UNC13B: variants seen among roughly 807,000 people sequenced by gnomAD.
UNC13B encodes the protein protein unc-13 homolog B.
A neutral mutation model predicts 211.0 loss-of-function variants in UNC13B; 144 were observed. That is an observed-to-expected ratio of 0.68 (90% CI 0.60 to 0.78). The LOEUF (loss-of-function observed/expected upper bound fraction) is 0.78, where lower values mean the gene tolerates loss of function less well. Ranked by LOEUF, UNC13B falls within the 30% of genes least tolerant of loss-of-function variation. The probability of loss-of-function intolerance (pLI) is 0.00; values close to 1 mark genes in which losing one functional copy is unlikely to be tolerated. For missense variants in UNC13B, 1,777 were observed against 2,002.0 expected (o/e 0.89, Z 2.14); for synonymous variants, 709 against 725.8 (o/e 0.98, Z 0.37).
rs111630995 is a variant in UNC13B, at chr9:35,220,632, A to G, written c.23-7383A>G. The stretch of plus-strand genomic sequence containing the variant: ...AGGATGTCATTCTTTTTTGTGGCTG[A>G]ATAGTACTCCATTGTGTATATGTAG... On this transcript the variant is annotated intron_variant, in intron 1 of 39. Coordinates refer to ENST00000635942, the MANE Select transcript of UNC13B (RefSeq NM_001371189.2). 8.6e-3 allele frequency among the ~76,000 whole-genome samples: 1,310 copies of G among 152,328 alleles called. 14 individuals are homozygous for G. The highest frequency in any genetic ancestry group is 0.03 in the African/African-American group (1,240 of 41,572).
chr9:35,390,626 C>G lies in UNC13B; in HGVS notation c.11223-3C>G. 6.2e-7 allele frequency: 1 copy of G among 1,613,710 alleles called. No individual in the cohort carries two copies. The highest frequency in any genetic ancestry group is 1.3e-5 in the African/African-American group (1 of 75,014). ...TCTGACTGTGGTTTCTTCTGTCATC[C>G]AGGTTTCCTCAGGAGTTGAATGTGG... On this transcript the variant is annotated splice_region_variant and splice_polypyrimidine_tract_variant and intron_variant, in intron 25 of 39. Transcript: ENST00000635942.
At chr9:35,371,548 C>A (rs1834125407) in intron 13 of UNC13B, among the ~76,000 whole-genome samples, 1 of 152,134 alleles carries the variant, frequency 6.6e-6, no homozygotes, top group South Asian at 2.1e-4. Flanking sequence ...ATTCTGATGC[C>A]ATGTCTTCTT....
In UNC13B at chr9:35,304,658, G is replaced by C. The variant is rs1052051070; in HGVS notation, c.5254G>C (p.Ala1752Pro). 3 of 398,646 alleles carry C rather than the reference G, an allele frequency of 7.5e-6. No homozygotes were observed. Among genetic ancestry groups the C allele is most frequent in the African/African-American group, 6.2e-5 (3 of 48,600 alleles). The allele number at this position is 398,646 out of a possible 1,614,324, so 24.7% of individuals were successfully genotyped here. The change falls in exon 9 of 40, where the codon GCT (alanine) becomes CCT (proline). Residue 1752 changes from alanine (A) to proline (P), a missense_variant. Physicochemically the swap from Ala to Pro is conservative, Grantham distance 27. Coordinates refer to ENST00000635942, the MANE Select transcript of UNC13B (RefSeq NM_001371189.2). ...AEETSLVNKV[A>P]SVFSVLGASV... The stretch of plus-strand genomic sequence containing the variant: ...AGAGACATCATTAGTGAACAAAGTG[G>C]CTTCAGTATTTTCTGTTTTGGGTGC...
chr9:35,404,351 C>A lies in UNC13B; in HGVS notation c.*318C>A, dbSNP rs151135402. ...GTAGACACCTCTCCACTCCTCATCCCACCTCTACCCATCTCCATGCCACAC... is the reference window on the plus strand; with the variant it reads ...GTAGACACCTCTCCACTCCTCATCCAACCTCTACCCATCTCCATGCCACAC... On this transcript the variant is annotated 3_prime_UTR_variant, in exon 40 of 40. Coordinates refer to ENST00000635942, the MANE Select transcript of UNC13B (RefSeq NM_001371189.2). 5.7e-4 allele frequency: 211 copies of A among 369,226 alleles called. No individual in the cohort carries two copies. Among genetic ancestry groups the A allele is most frequent in the African/African-American group, 4.0e-3 (195 of 49,202 alleles). The allele number at this position is 369,226 out of a possible 1,614,324, so 22.9% of individuals were successfully genotyped here. A position where few individuals can be genotyped will look rare whatever the true frequency, so the allele number is the denominator to read the frequency against.
intron 11 of UNC13B, among the ~76,000 whole-genome samples, chr9:35,339,709 G>A (rs769494751): frequency 1.3e-5 from 2 of 152,362 alleles, no homozygotes; most frequent in South Asian, 2.1e-4. Flanking sequence ...TGCTAACCAC[G>A]TCTTCTACTG....
At chr9:35,188,987 C>T (rs143366395) in intron 1 of UNC13B, among the ~76,000 whole-genome samples, 1 of 152,288 alleles carries the variant, frequency 6.6e-6, no homozygotes, top group East Asian at 1.9e-4. Flanking sequence ...TTTCAATACT[C>T]AATTTATGAG....
chr9:35,257,419 AAAAATAT>A (rs1336451448), intron 6 of UNC13B, among the ~76,000 whole-genome samples: 11 of 140,280 alleles, frequency 7.8e-5, no homozygotes, highest in South Asian at 2.2e-4. Flanking sequence ...AATATTTATA[AAAAATAT>A]AAATATTAGC....
In UNC13B at chr9:35,295,835, G is replaced by C. The variant is rs376032394; in HGVS notation, c.666G>C (p.Ser222=). The part of the protein sequence containing the change: ...SVHQFPVPVR[S]PQQLLLQGSS... Reference sequence around the variant, plus strand: ...ACCAGTTCCCTGTGCCGGTGCGATCGCCACAGCAGCTGCTACTTCAAGGCA... The same window carrying C: ...ACCAGTTCCCTGTGCCGGTGCGATCCCCACAGCAGCTGCTACTTCAAGGCA... The change falls in exon 8 of 40, where the codon TCG becomes TCC. Residue 222 remains serine, a synonymous_variant. Transcript: ENST00000635942. 6.2e-7 allele frequency: 1 copy of C among 1,614,054 alleles called. No homozygotes were observed. Among genetic ancestry groups the C allele is most frequent in the Admixed American group, 1.7e-5 (1 of 60,006 alleles).
chr9:35,252,560 G>A (rs1482140141), intron 6 of UNC13B, among the ~76,000 whole-genome samples: 1 of 151,780 alleles, frequency 6.6e-6, no homozygotes, highest in African/African-American at 2.4e-5. Context: ...GCCCACCTCG[G>A]CCTCCCAAAG....
intron 7 of UNC13B, among the ~76,000 whole-genome samples, chr9:35,273,080 G>C (rs1482734538): frequency 6.6e-6 from 1 of 152,130 alleles, no homozygotes. Context: ...AATGTCCTGA[G>C]TACGAATCAT....
At chr9:35,223,695 T>C (rs1824685054) in intron 1 of UNC13B, among the ~76,000 whole-genome samples, 1 of 152,164 alleles carries the variant, frequency 6.6e-6, no homozygotes, top group African/African-American at 2.4e-5. Flanking sequence ...CCCATTTGTC[T>C]ATTTTTATTT....
intron 1 of UNC13B, among the ~76,000 whole-genome samples, chr9:35,192,913 G>C (rs1159303073): frequency 6.6e-6 from 1 of 152,134 alleles, no homozygotes; most frequent in Non-Finnish European, 1.5e-5. Flanking sequence ...ACCCAGGGTG[G>C]AGAGGAAAAC....
chr9:35,384,882 T>C (rs1835092120), intron 22 of UNC13B: 1 of 662,080 alleles, frequency 1.5e-6, no homozygotes, highest in Non-Finnish European at 1.9e-6. Context: ...ATCTTAGAAA[T>C]GGCTTCATTA....
At chr9:35,245,134 A>T (rs1402260243) in intron 6 of UNC13B, among the ~76,000 whole-genome samples, 3 of 152,150 alleles carry the variant, frequency 2.0e-5, no homozygotes, top group Non-Finnish European at 2.9e-5. Flanking sequence ...GACTGCCATC[A>T]TCTTTGTTTT....
chr9:35,352,019 C>G, intron 11 of UNC13B: 3 of 1,232,266 alleles, frequency 2.4e-6, no homozygotes, highest in Non-Finnish European at 3.0e-6. Flanking sequence ...TGAGCTGCAG[C>G]AGCACTTGAG....
intron 1 of UNC13B, among the ~76,000 whole-genome samples, chr9:35,209,022 A>G (rs1823816761): frequency 1.3e-5 from 2 of 152,120 alleles, no homozygotes; most frequent in Admixed American, 1.3e-4. Flanking sequence ...TCACTTAACA[A>G]TATGTCTCCC....
intron 1 of UNC13B, among the ~76,000 whole-genome samples, chr9:35,173,616 G>A (rs377033526): frequency 1.6e-3 from 240 of 152,032 alleles, no homozygotes; most frequent in African/African-American, 5.4e-3. Flanking sequence ...TAGAGATGGG[G>A]TTTCACCGTG....
At chr9:35,314,874 CTTTTTTTTT>C (rs765803997) in intron 11 of UNC13B, among the ~76,000 whole-genome samples, 6 of 57,760 alleles carry the variant, frequency 1.0e-4, no homozygotes, top group African/African-American at 1.5e-4. Flanking sequence ...GATTCCGTAT[CTTTTTTTTT>C]TTTTTTTTTT....
chr9:35,173,011 T>C (rs1008371329), intron 1 of UNC13B, among the ~76,000 whole-genome samples: 3 of 152,188 alleles, frequency 2.0e-5, no homozygotes, highest in Non-Finnish European at 2.9e-5. Flanking sequence ...TGGATTGTGT[T>C]GGGCTGTCAA....
Sources: allele counts gnomAD v4.1 joint callset (sites outside exome capture counted in the v4.1 genomes callset), GRCh38; gene constraint gnomAD v4.1.1; transcripts MANE v1.5; gene names NCBI Gene and HGNC (gene_info 2026-07-23, HGNC 2026-07-21).